The following PHACTR1 variants were observed in gnomAD, a reference collection of about 807,000 sequenced individuals.
PHACTR1 encodes the protein phosphatase and actin regulator 1, also known as RPEL repeat containing 1.
Under a neutral mutation model 69.2 loss-of-function variants are expected in PHACTR1, and 16 were observed. The observed-to-expected ratio is 0.23, with a 90% CI of 0.16 to 0.35. The LOEUF (loss-of-function observed/expected upper bound fraction) is 0.35. Among genes scored for constraint, PHACTR1 ranks in the 10% least tolerant of loss-of-function variants. The probability of loss-of-function intolerance (pLI) is 1.00; values close to 1 mark genes in which losing one functional copy is unlikely to be tolerated. For synonymous variants in PHACTR1, 312 were observed against 284.5 expected, an observed-to-expected ratio of 1.10 and a Z score of -0.97; for missense variants, 510 against 734.7, an observed-to-expected ratio of 0.69 and a Z score of 3.54.
intron 5 of PHACTR1, among the ~76,000 whole-genome samples, chr6:13,070,912 G>A (rs1337709824): frequency 1.3e-5 from 2 of 151,670 alleles, no homozygotes; most frequent in Non-Finnish European, 2.9e-5. Flanking sequence ...GAAGGAGATA[G>A]AGAAATAACA....
chr6:12,844,990 G>A (rs183434164), intron 4 of PHACTR1, among the ~76,000 whole-genome samples: 8 of 152,034 alleles, frequency 5.3e-5, no homozygotes, highest in Non-Finnish European at 8.8e-5. Context: ...TTACAGAAAG[G>A]CCACCTATTA....
At chr6:12,833,825 G>A (rs940741720) in intron 4 of PHACTR1, among the ~76,000 whole-genome samples, 55 of 152,168 alleles carry the variant, frequency 3.6e-4, no homozygotes, top group African/African-American at 1.3e-3. Context: ...GCCTGCTGTG[G>A]ACAGTGCCTG....
chr6:12,746,048 A>G (rs1247428677), intron 3 of PHACTR1, among the ~76,000 whole-genome samples: 2 of 152,224 alleles, frequency 1.3e-5, no homozygotes, highest in Non-Finnish European at 2.9e-5. Flanking sequence ...CCTTAAAATG[A>G]GTCCTTTGTA....
intron 4 of PHACTR1, among the ~76,000 whole-genome samples, chr6:12,860,112 C>T (rs1780798966): frequency 6.6e-6 from 1 of 152,032 alleles, no homozygotes; most frequent in African/African-American, 2.4e-5. Context: ...ATCAACCTGT[C>T]ATCTACATTA....
At chr6:13,260,007 G>A (rs1363374588) in intron 10 of PHACTR1, among the ~76,000 whole-genome samples, 1 of 152,184 alleles carries the variant, frequency 6.6e-6, no homozygotes, top group African/African-American at 2.4e-5. Context: ...TGGCAGGAAT[G>A]CCTTCCCATA....
intron 4 of PHACTR1, among the ~76,000 whole-genome samples, chr6:12,908,614 G>A (rs2127492533): frequency 6.6e-6 from 1 of 152,322 alleles, no homozygotes; most frequent in East Asian, 1.9e-4. Context: ...AATCTTGAAA[G>A]GCAGATAAGA....
intron 3 of PHACTR1, among the ~76,000 whole-genome samples, chr6:12,744,560 G>T (rs142096329): frequency 6.6e-6 from 1 of 152,022 alleles, no homozygotes; most frequent in Non-Finnish European, 1.5e-5. Flanking sequence ...TTCATGTTTC[G>T]TAAGGAAGAT....
chr6:12,997,365 T>G lies in PHACTR1; in HGVS notation c.251-56000T>G, dbSNP rs183674544. On this transcript the variant is annotated intron_variant, in intron 4 of 14. Transcript: ENST00000332995. ...TAAGTAAATCTATATTATATATAAG[T>G]AAATATATATTTAAAGCAAATATAT... Among the ~76,000 whole-genome samples the G allele has an allele frequency of 3.3e-3, 486 of 147,840 alleles. 1 individual carries two copies. The highest frequency in any genetic ancestry group is 0.012 in the African/African-American group (472 of 40,800).
rs58571739 is a variant in PHACTR1, at chr6:13,179,445, T to TG, written c.497-3074_497-3073insG. On this transcript the variant is annotated intron_variant, in intron 6 of 14. Transcript: ENST00000332995. The surrounding 1 kb of genome is among the most constrained non-coding windows in gnomAD (Gnocchi z 4.2). ...GTGTGTGTGTGTGTGTGTGTGTGTG[T>TG]TTAAAAATGTCATAATAAAAAATTT... Among the ~76,000 whole-genome samples, 22 of 148,384 alleles carry TG rather than the reference T, an allele frequency of 1.5e-4. No homozygotes were observed. Among genetic ancestry groups the TG allele is most frequent in the Middle Eastern group, 3.5e-3 (1 of 288 alleles).
chr6:12,785,089 TATACACATAC>T (rs1771377599), intron 4 of PHACTR1, among the ~76,000 whole-genome samples: 1 of 150,110 alleles, frequency 6.7e-6, no homozygotes, highest in African/African-American at 2.5e-5. Context: ...CTTATATATT[TATACACATAC>T]ATACACACAT....
intron 3 of PHACTR1, among the ~76,000 whole-genome samples, chr6:12,745,147 A>G (rs1039165986): frequency 6.6e-6 from 1 of 151,970 alleles, no homozygotes; most frequent in Non-Finnish European, 1.5e-5. Context: ...TACTTGAAAA[A>G]TTTTCTTAAT....
chr6:13,090,843 T>G (rs1304727275), intron 5 of PHACTR1, among the ~76,000 whole-genome samples: 1 of 152,200 alleles, frequency 6.6e-6, no homozygotes, highest in Non-Finnish European at 1.5e-5. Flanking sequence ...ACAACATTTC[T>G]GCAGACTGGG....
chr6:13,173,691 ATCT>A (rs1760924409), intron 6 of PHACTR1, among the ~76,000 whole-genome samples: 1 of 152,214 alleles, frequency 6.6e-6, no homozygotes, highest in Admixed American at 6.5e-5. Context: ...AGAGCTCTGC[ATCT>A]TCTTGCTAAA....
Position 12,847,189 on chromosome 6 carries a change from T to C in PHACTR1, c.250+97399T>C, listed in dbSNP as rs572127288. On this transcript the variant is annotated intron_variant, in intron 4 of 14. Transcript: ENST00000332995. Reference sequence around the variant, plus strand: ...ATTTTATGTTGCTGCATGGTCTTCATAGTTGTAGGTAATTCGACCACACCT... The same window carrying C: ...ATTTTATGTTGCTGCATGGTCTTCACAGTTGTAGGTAATTCGACCACACCT... 7.9e-5 allele frequency among the ~76,000 whole-genome samples: 12 copies of C among 152,358 alleles called. No individual in the cohort carries two copies. In the East Asian group the frequency reaches 1.2e-3, roughly 15 times the overall value.
intron 3 of PHACTR1, among the ~76,000 whole-genome samples, chr6:12,722,789 G>T (rs776895621): frequency 6.6e-5 from 10 of 152,216 alleles, no homozygotes; most frequent in Non-Finnish European, 1.5e-4. Context: ...GGGTCCTCCT[G>T]TTTGCCTCCT....
At chr6:13,199,255 C>T (rs1296079697) in intron 7 of PHACTR1, among the ~76,000 whole-genome samples, 1 of 151,894 alleles carries the variant, frequency 6.6e-6, no homozygotes, top group Admixed American at 6.6e-5. Context: ...GGCTTGGTGG[C>T]GTGCACCTAT....
chr6:13,183,783 G>A (rs897439536), intron 7 of PHACTR1, among the ~76,000 whole-genome samples: 2 of 152,192 alleles, frequency 1.3e-5, no homozygotes, highest in Admixed American at 1.3e-4. Flanking sequence ...AGACTTCCTT[G>A]TGACACTGAA....
chr6:12,948,546 A>G (rs1234290155), intron 4 of PHACTR1, among the ~76,000 whole-genome samples: 1 of 152,202 alleles, frequency 6.6e-6, no homozygotes, highest in Non-Finnish European at 1.5e-5. Flanking sequence ...TATCTTGACA[A>G]TAATCCTATG....
intron 5 of PHACTR1, among the ~76,000 whole-genome samples, chr6:13,149,366 G>T (rs1823949028): frequency 6.6e-6 from 1 of 152,206 alleles, no homozygotes; most frequent in Non-Finnish European, 1.5e-5. Flanking sequence ...GCAGTACATG[G>T]CATTTCCCAA....
Sources: allele counts gnomAD v4.1 joint callset (sites outside exome capture counted in the v4.1 genomes callset), GRCh38; gene constraint gnomAD v4.1.1; non-coding constraint Gnocchi (gnomAD v3.1); transcripts MANE v1.5; gene names NCBI Gene and HGNC (gene_info 2026-07-23, HGNC 2026-07-21).